The following ACADSB variants were observed in gnomAD, a reference collection of about 807,000 sequenced individuals.
The protein encoded by ACADSB is short/branched chain specific acyl-CoA dehydrogenase, mitochondrial.
ACADSB carries 40 observed loss-of-function variants against 54.1 expected under a neutral mutation model. The ratio of observed to expected loss-of-function variants is 0.74; its 90% CI spans 0.57 to 0.96. ACADSB has a LOEUF of 0.96. Ranked by LOEUF, ACADSB falls within the 40% of genes least tolerant of loss-of-function variation. ACADSB has a pLI of 0.00. For synonymous variants in ACADSB, 182 were observed against 182.8 expected, an observed-to-expected ratio of 1.00 and a Z score of 0.03; for missense variants, 530 against 510.4, an observed-to-expected ratio of 1.04 and a Z score of -0.37.
At chr10:123,021,572 A>G (rs1428949762) in intron 1 of ACADSB, among the ~76,000 whole-genome samples, 1 of 152,256 alleles carries the variant, frequency 6.6e-6, no homozygotes, top group East Asian at 1.9e-4. Context: ...AACATATTTT[A>G]CTTTCTTTAC....
At chr10:123,035,617 G>A (rs998047343) in intron 2 of ACADSB, among the ~76,000 whole-genome samples, 8 of 152,180 alleles carry the variant, frequency 5.3e-5, no homozygotes, top group Admixed American at 2.6e-4. Flanking sequence ...GGTCTCAGAA[G>A]GTCAACATCA....
intron 2 of ACADSB, among the ~76,000 whole-genome samples, chr10:123,036,866 C>T (rs1249247540): frequency 6.6e-6 from 1 of 152,114 alleles, no homozygotes; most frequent in Admixed American, 6.5e-5. Flanking sequence ...ATGAGAGTCG[C>T]GTGTGCAGAA....
chr10:123,042,958 A>G (rs1000365878), intron 5 of ACADSB, 88 bp from the exon 6 acceptor site: 2 of 1,494,694 alleles, frequency 1.3e-6, no homozygotes, highest in Admixed American at 1.8e-5. Flanking sequence ...ACCAAAGTCC[A>G]TTTTTAGTTT....
chr10:123,029,616 G>A (rs1266512443), intron 1 of ACADSB, among the ~76,000 whole-genome samples: 2 of 152,178 alleles, frequency 1.3e-5, no homozygotes, highest in East Asian at 3.9e-4. Flanking sequence ...ATTTGTCCAT[G>A]TTGATCCACG....
intron 1 of ACADSB, among the ~76,000 whole-genome samples, chr10:123,019,851 C>T (rs1489424146): frequency 6.6e-6 from 1 of 152,188 alleles, no homozygotes; most frequent in African/African-American, 2.4e-5. Context: ...TAACCACTCG[C>T]TACCCCTAAC....
At chr10:123,016,271 C>T (rs1850107973) in intron 1 of ACADSB, among the ~76,000 whole-genome samples, 1 of 152,194 alleles carries the variant, frequency 6.6e-6, no homozygotes, top group African/African-American at 2.4e-5. Flanking sequence ...AGAACCACAG[C>T]AGATTTGGAG....
intron 1 of ACADSB, among the ~76,000 whole-genome samples, chr10:123,011,925 C>A (rs1850041718): frequency 6.6e-6 from 1 of 151,706 alleles, no homozygotes; most frequent in South Asian, 2.1e-4. Context: ...GATCATAGCT[C>A]ACCGTAACCT....
intron 1 of ACADSB, among the ~76,000 whole-genome samples, chr10:123,032,104 C>T (rs945963291): frequency 1.3e-4 from 20 of 151,834 alleles, no homozygotes; most frequent in Admixed American, 1.0e-3. Context: ...CTCAGCCTCC[C>T]GAGTAGCTGG....
intron 7 of ACADSB, among the ~76,000 whole-genome samples, chr10:123,046,542 A>G (rs1203071309): frequency 6.6e-6 from 1 of 152,214 alleles, no homozygotes; most frequent in Admixed American, 6.5e-5. Context: ...TAAGTCACTA[A>G]GGAGTTTTAC....
intron 6 of ACADSB, 30 bp from the exon 7 acceptor site, chr10:123,044,363 T>C: frequency 6.5e-7 from 1 of 1,530,958 alleles, no homozygotes; most frequent in South Asian, 1.1e-5. Flanking sequence ...AAAATGAAAC[T>C]GAGAAATAAG....
At chr10:123,036,687 G>A (rs1850403337) in intron 2 of ACADSB, among the ~76,000 whole-genome samples, 1 of 152,182 alleles carries the variant, frequency 6.6e-6, no homozygotes, top group Non-Finnish European at 1.5e-5. Context: ...ATGTCATGGA[G>A]GTATTTGGGG....
At chr10:123,018,397 A>G (rs1850136090) in intron 1 of ACADSB, among the ~76,000 whole-genome samples, 1 of 152,112 alleles carries the variant, frequency 6.6e-6, no homozygotes, top group African/African-American at 2.4e-5. Flanking sequence ...GAATCACTAT[A>G]ATTCTTAAAA....
intron 1 of ACADSB, among the ~76,000 whole-genome samples, chr10:123,023,584 A>G (rs1301398859): frequency 6.6e-6 from 1 of 152,182 alleles, no homozygotes; most frequent in Non-Finnish European, 1.5e-5. Flanking sequence ...GCCCCAATAG[A>G]TAATCCAATG....
intron 2 of ACADSB, among the ~76,000 whole-genome samples, chr10:123,035,142 C>G (rs1264276553): frequency 2.0e-5 from 3 of 151,996 alleles, no homozygotes; most frequent in Admixed American, 2.0e-4. Flanking sequence ...TTTTTTAGTA[C>G]AGACGTGGTT....
At chr10:123,048,174 A>G (rs570190057) in intron 8 of ACADSB, among the ~76,000 whole-genome samples, 1 of 152,370 alleles carries the variant, frequency 6.6e-6, no homozygotes, top group East Asian at 1.9e-4. Context: ...TTGCATTGCC[A>G]ACTGCATGTT....
At position 123,053,942 on chromosome 10, in the gene ACADSB, T is replaced by G. The variant is rs527815670; in HGVS notation, c.*177T>G. 1.5e-6 allele frequency: 1 copy of G among 653,372 alleles called. No homozygotes were observed. Among genetic ancestry groups the G allele is most frequent in the African/African-American group, 1.8e-5 (1 of 55,026 alleles). The allele number at this position is 653,372 out of a possible 1,614,324, so 40.5% of individuals were successfully genotyped here. Reference sequence around the variant, plus strand: ...TTTTTGGTTTTCTCTTTTCAGGCTGTTTAACTTAGGCACAGGAGATCCACT... The same window carrying G: ...TTTTTGGTTTTCTCTTTTCAGGCTGGTTAACTTAGGCACAGGAGATCCACT... On this transcript the variant is annotated 3_prime_UTR_variant, in exon 11 of 11. Transcript: ENST00000358776.
In ACADSB at chr10:123,009,212, G is replaced by A. The variant is rs920564628; in HGVS notation, c.42+141G>A. 5.0e-6 allele frequency: 5 copies of A among 993,086 alleles called. No homozygotes were observed. The African/African-American group carries it at 8.0e-5, about 16-fold the overall frequency. The allele number at this position is 993,086 out of a possible 1,614,324, so 61.5% of individuals were successfully genotyped here. ...TCCTGGGTCCCCAGACTCTTTACCC[G>A]CGGGCAGTCTATGACCCCGACCCCC... On this transcript the variant is annotated intron_variant, in intron 1 of 10. Coordinates refer to ENST00000358776, the MANE Select transcript of ACADSB (RefSeq NM_001609.4).
rs556712362 is a variant in ACADSB at position 123,052,601 on chromosome 10, C to T, written c.1129-460C>T. ...ACAGCTCTGAGGGCTAGGATGTGGA[C>T]GTCCTTGAGGGGCCATTCTGCAGGG... On this transcript the variant is annotated intron_variant, in intron 9 of 10. Transcript: ENST00000358776. This position sits in a 1 kb window ranked among gnomAD's most constrained non-coding sequence, Gnocchi z 4.2. 4.1e-4 allele frequency among the ~76,000 whole-genome samples: 62 copies of T among 152,276 alleles called. No individual in the cohort carries two copies. Among genetic ancestry groups the T allele is most frequent in the African/African-American group, 1.1e-3 (44 of 41,554 alleles).
rs11363649 is a variant in ACADSB at position 123,040,183 on chromosome 10, T to TA, written c.304-265dup. On this transcript the variant is annotated intron_variant, in intron 3 of 10. Transcript: ENST00000358776. ...CAACATGGCGAAACCCCATCTCTAC[T>TA]AAAAAAAAAAAAAAAAAATTAGCTG... Among the ~76,000 whole-genome samples, 10,053 of 138,828 alleles carry TA rather than the reference T, an allele frequency of 0.072. 401 individuals are homozygous for TA. Among genetic ancestry groups the TA allele is most frequent in the Non-Finnish European group, 0.085 (5,466 of 64,130 alleles). 91.1% of individuals were successfully genotyped at this position (138,828 alleles called of 152,430 possible).
Sources: allele counts gnomAD v4.1 joint callset (sites outside exome capture counted in the v4.1 genomes callset), GRCh38; gene constraint gnomAD v4.1.1; non-coding constraint Gnocchi (gnomAD v3.1); transcripts MANE v1.5; gene names NCBI Gene and HGNC (gene_info 2026-07-23, HGNC 2026-07-21).